Variants in CTCFL observed in about 807,000 individuals in gnomAD.
CTCFL encodes the protein transcriptional repressor CTCFL.
CTCFL carries 36 observed loss-of-function variants against 67.4 expected under a neutral mutation model. That is an observed-to-expected ratio of 0.53 (90% CI 0.41 to 0.71). The LOEUF (loss-of-function observed/expected upper bound fraction) is 0.71, where lower values mean the gene tolerates loss of function less well. CTCFL is among the 30% of genes least tolerant of loss of function. The probability of loss-of-function intolerance (pLI) is 0.00; values close to 1 mark genes in which losing one functional copy is unlikely to be tolerated. For synonymous variants in CTCFL, 324 were observed against 302.3 expected, an observed-to-expected ratio of 1.07 and a Z score of -0.75; for missense variants, 786 against 835.2, an observed-to-expected ratio of 0.94 and a Z score of 0.73.
chr20:57,512,521 G>T, intron 8 of CTCFL, 71 bp downstream of exon 8: 1 of 1,473,678 alleles, frequency 6.8e-7, no homozygotes, highest in Non-Finnish European at 9.4e-7. Flanking sequence ...CTTCAAGGTG[G>T]TAGAGAATCC....
At chr20:57,513,225 C>A (rs1196274353) in intron 7 of CTCFL, 3 of 981,774 alleles carry the variant, frequency 3.1e-6, no homozygotes, top group Non-Finnish European at 3.6e-6. Context: ...GATATAATAT[C>A]TTTATTTTAC....
rs762456606 is a variant in CTCFL at position 57,523,900 on chromosome 20, T to C, written c.306A>G (p.Ile102Met). The change falls in exon 2 of 11, where the codon ATA becomes ATG. Residue 102 changes from isoleucine (I) to methionine (M), a missense_variant. By Grantham distance (10) the Ile-to-Met change is conservative. Transcript: ENST00000243914. ...VELQDMSLLS[I>M]QQQEGVQVVV... The stretch of plus-strand genomic sequence containing the variant: ...CCACCTGCACCCCTTCTTGCTGCTG[T>C]ATGCTCAGCAAGCTCATATCCTGCA... The C allele has an allele frequency of 1.2e-6, 2 of 1,613,178 alleles. No homozygotes were observed. The highest frequency in any genetic ancestry group is 2.2e-5 in the South Asian group (2 of 91,082).
At chr20:57,506,856 G>A (rs2068233052) in intron 9 of CTCFL, 1 of 984,996 alleles carries the variant, frequency 1.0e-6, no homozygotes, top group African/African-American at 1.7e-5. Context: ...GAGCAATGGT[G>A]TTTTGGGAGC....
rs1490811444 is a variant in CTCFL at position 57,524,215 on chromosome 20, G to A, written c.-10C>T. The A allele has an allele frequency of 6.2e-7, 1 of 1,607,628 alleles. No homozygotes were observed. The highest frequency in any genetic ancestry group is 2.2e-5 in the East Asian group (1 of 44,836). On this transcript the variant is annotated splice_region_variant and 5_prime_UTR_variant, in exon 2 of 11. Coordinates refer to ENST00000243914, the MANE Select transcript of CTCFL (RefSeq NM_001386993.1). ...TCTCAGTGGCTGCCATAATGACTTG[G>A]CCTGTTTGAAAAATAAGCAAGCGGT...
chr20:57,506,646 A>T, intron 9 of CTCFL: 1 of 282,970 alleles, frequency 3.5e-6, no homozygotes, highest in Non-Finnish European at 5.3e-6. Context: ...CTATTTACTG[A>T]GTTATAAGAG....
Position 57,497,503 on chromosome 20 carries a change from T to C in CTCFL, c.*1047A>G, listed in dbSNP as rs2067740228. 1.0e-6 allele frequency: 1 copy of C among 985,428 alleles called. No individual in the cohort carries two copies. The highest frequency in any genetic ancestry group is 1.2e-6 in the Non-Finnish European group (1 of 829,922). The allele number at this position is 985,428 out of a possible 1,614,324, so 61.0% of individuals were successfully genotyped here. ...GAGACAGGTTGGCAGCAAAACAAAC[T>C]GCTCAACTAAGCAATGAAGAAAAAT... On this transcript the variant is annotated 3_prime_UTR_variant, in exon 11 of 11. Coordinates refer to ENST00000243914, the MANE Select transcript of CTCFL (RefSeq NM_001386993.1).
downstream of CTCFL, chr20:57,496,458 T>A: frequency 4.5e-6 from 2 of 448,334 alleles, no homozygotes; most frequent in Non-Finnish European, 4.0e-6. Flanking sequence ...AACATAAAAT[T>A]TACCATTTTA....
chr20:57,523,279 C>G lies in CTCFL; in HGVS notation c.544-1G>C. Reference sequence around the variant, plus strand: ...GGTTCTTCTCCTGCTCTTCCTCGAGCTAATAAACAACAAATATTCAAATAT... The same window carrying G: ...GGTTCTTCTCCTGCTCTTCCTCGAGGTAATAAACAACAAATATTCAAATAT... On this transcript the variant is annotated splice_acceptor_variant, in intron 2 of 10. Transcript: ENST00000243914. LOFTEE classifies it high-confidence loss of function. 4 of 1,611,250 alleles carry G rather than the reference C, an allele frequency of 2.5e-6. No individual in the cohort carries two copies. Among genetic ancestry groups the G allele is most frequent in the South Asian group, 1.1e-5 (1 of 90,712 alleles).
rs6070121 is a variant in CTCFL, at chr20:57,508,199, G to A, written c.1674+407C>T. 1.5e-3 allele frequency among the ~76,000 whole-genome samples: 232 copies of A among 152,272 alleles called. 2 individuals carry two copies. Among genetic ancestry groups the A allele is most frequent in the Non-Finnish European group, 2.8e-3 (190 of 68,024 alleles). Reference sequence around the variant, plus strand: ...TAATCCTCCCACCTTGGCCTCTCAAGTAGCTGGGATTATAGACACCAATAA... The same window carrying A: ...TAATCCTCCCACCTTGGCCTCTCAAATAGCTGGGATTATAGACACCAATAA... On this transcript the variant is annotated intron_variant, in intron 9 of 10. Coordinates refer to ENST00000243914, the MANE Select transcript of CTCFL (RefSeq NM_001386993.1).
chr20:57,524,361 C>A, intron 1 of CTCFL, 145 bp from the exon 2 acceptor site: 1 of 1,465,334 alleles, frequency 6.8e-7, no homozygotes. Flanking sequence ...AGGGTCAGAA[C>A]AATGCTGATC....
At chr20:57,524,371 C>T (rs2069686908) in intron 1 of CTCFL, 155 bp from the exon 2 acceptor site, 1 of 1,454,988 alleles carries the variant, frequency 6.9e-7, no homozygotes, top group African/African-American at 1.4e-5. Flanking sequence ...CAATGCTGAT[C>T]TGGCTTGGGT....
At position 57,512,659 on chromosome 20, in the gene CTCFL, T is replaced by C; in HGVS notation, c.1424A>G (p.Gln475Arg). Residue 475 changes from glutamine to arginine, a missense_variant, in exon 8 of 11, where the codon CAG becomes CGG. By Grantham distance (43) the Gln-to-Arg change is conservative. Coordinates refer to ENST00000243914, the MANE Select transcript of CTCFL (RefSeq NM_001386993.1). ...AVFHERYALI[Q>R]HQKTHKNEKR... The stretch of plus-strand genomic sequence containing the variant: ...CTCATTCTTATGAGTTTTCTGGTGC[T>C]GAATGAGGGCATAGCGTTCATGGAA... 1 of 1,614,260 alleles carries C rather than the reference T, an allele frequency of 6.2e-7. No homozygotes were observed. The highest frequency in any genetic ancestry group is 8.5e-7 in the Non-Finnish European group (1 of 1,180,032).
chr20:57,517,322 G>T (rs577256342), intron 5 of CTCFL, among the ~76,000 whole-genome samples: 1 of 140,596 alleles, frequency 7.1e-6, no homozygotes, highest in Non-Finnish European at 1.5e-5. Context: ...TCTCACTCTC[G>T]TCCAGACTGG....
intron 3 of CTCFL, among the ~76,000 whole-genome samples, chr20:57,522,279 A>G (rs2069433894): frequency 6.6e-6 from 1 of 152,244 alleles, no homozygotes; most frequent in African/African-American, 2.4e-5. Flanking sequence ...AGGAGGAAGG[A>G]AAACTGTGCC....
rs941375984 is a variant in CTCFL, at chr20:57,497,456, A to G, written c.*1094T>C. ...AAGAATTTGAATTTAGGGCTTATCA[A>G]TGATCTTGAAATACAGGGGTGGAGA... On this transcript the variant is annotated 3_prime_UTR_variant, in exon 11 of 11. Coordinates refer to ENST00000243914, the MANE Select transcript of CTCFL (RefSeq NM_001386993.1). 36 of 985,322 alleles carry G rather than the reference A, an allele frequency of 3.7e-5. No individual in the cohort carries two copies. Among genetic ancestry groups the G allele is most frequent in the Non-Finnish European group, 1.7e-5 (14 of 829,938 alleles). The allele number at this position is 985,322 out of a possible 1,614,324, so 61.0% of individuals were successfully genotyped here.
At chr20:57,503,109 T>C (rs73168444) in intron 10 of CTCFL, among the ~76,000 whole-genome samples, 3,724 of 152,284 alleles carry the variant, frequency 0.024, 79 homozygotes, top group Non-Finnish European at 0.04. Flanking sequence ...AAAATCAATT[T>C]CTGTTGTCCC....
chr20:57,516,995 T>C (rs2068970232), intron 5 of CTCFL, among the ~76,000 whole-genome samples: 1 of 152,268 alleles, frequency 6.6e-6, no homozygotes. Context: ...CCACACTCCA[T>C]CTGCCTCCCC....
rs1048135756 is a variant in CTCFL at position 57,497,758 on chromosome 20, A to G, written c.*792T>C. The G allele has an allele frequency of 1.0e-6, 1 of 985,010 alleles. No individual in the cohort carries two copies. The highest frequency in any genetic ancestry group is 1.7e-5 in the African/African-American group (1 of 57,340). 61.0% of individuals were successfully genotyped at this position (985,010 alleles called of 1,614,324 possible). A position where few individuals can be genotyped will look rare whatever the true frequency, so the allele number is the denominator to read the frequency against. ...ATATAAAAAGAGTAGTTTTAGCAGAAAAAAGGGTTATGGAGTGAAATACTA... is the reference window on the plus strand; with the variant it reads ...ATATAAAAAGAGTAGTTTTAGCAGAGAAAAGGGTTATGGAGTGAAATACTA... On this transcript the variant is annotated 3_prime_UTR_variant, in exon 11 of 11. Coordinates refer to ENST00000243914, the MANE Select transcript of CTCFL (RefSeq NM_001386993.1).
chr20:57,507,672 C>G, intron 9 of CTCFL: 1 of 703,060 alleles, frequency 1.4e-6, no homozygotes, highest in Non-Finnish European at 2.6e-6. Flanking sequence ...AGTGGATCCT[C>G]TGGCCCCAGT....
Sources: allele counts gnomAD v4.1 joint callset (sites outside exome capture counted in the v4.1 genomes callset), GRCh38; gene constraint gnomAD v4.1.1; transcripts MANE v1.5; gene names NCBI Gene and HGNC (gene_info 2026-07-23, HGNC 2026-07-21).